PCSK5: variants seen among roughly 807,000 people sequenced by gnomAD.
The protein encoded by PCSK5 is proprotein convertase subtilisin/kexin type 5.
Under a neutral mutation model 233.2 loss-of-function variants are expected in PCSK5, and 129 were observed. The observed-to-expected ratio is 0.55, with a 90% CI of 0.48 to 0.64. The LOEUF (loss-of-function observed/expected upper bound fraction) is 0.64. Among genes scored for constraint, PCSK5 ranks in the 30% least tolerant of loss-of-function variants. The pLI is 0.00. For missense variants in PCSK5, 2,076 were observed against 2,430.1 expected, an observed-to-expected ratio of 0.85 and a Z score of 3.06; for synonymous variants, 825 against 879.2, an observed-to-expected ratio of 0.94 and a Z score of 1.09.
rs1218792274 is a variant in PCSK5 at position 76,025,661 on chromosome 9, T to G, written c.556-1300T>G. 2.6e-5 allele frequency among the ~76,000 whole-genome samples: 4 copies of G among 152,338 alleles called. No individual in the cohort carries two copies. In the East Asian group the frequency reaches 7.7e-4, roughly 29 times the overall value. ...AGAAACTTCTGCCAAATTGTTGTAG[T>G]GACCCCATATCTTTGTGGTCTTAAT... On this transcript the variant is annotated intron_variant, in intron 4 of 37. Transcript: ENST00000674117.
chr9:76,232,952 T>C (rs1395191687), intron 21 of PCSK5, among the ~76,000 whole-genome samples: 1 of 152,234 alleles, frequency 6.6e-6, no homozygotes, highest in Non-Finnish European at 1.5e-5. Flanking sequence ...ACTTGCAATA[T>C]ACACAGGCCA....
intron 24 of PCSK5, among the ~76,000 whole-genome samples, chr9:76,261,072 G>A (rs1391357505): frequency 6.6e-6 from 1 of 152,152 alleles, no homozygotes; most frequent in Non-Finnish European, 1.5e-5. Context: ...CAAGGTCCAG[G>A]TGTTGTGCTG....
chr9:75,895,246 CT>C (rs1825760093), intron 1 of PCSK5, among the ~76,000 whole-genome samples: 1 of 152,198 alleles, frequency 6.6e-6, no homozygotes, highest in Non-Finnish European at 1.5e-5. Context: ...AATGGAGCCT[CT>C]GTTCCTTCAT....
At chr9:76,020,572 G>A (rs969913036) in intron 3 of PCSK5, among the ~76,000 whole-genome samples, 2 of 152,106 alleles carry the variant, frequency 1.3e-5, no homozygotes, top group African/African-American at 4.8e-5. Flanking sequence ...GCATCAGTTG[G>A]ATATTTCTTC....
At chr9:75,893,999 C>T (rs557236355) in intron 1 of PCSK5, among the ~76,000 whole-genome samples, 63 of 152,300 alleles carry the variant, frequency 4.1e-4, no homozygotes, top group African/African-American at 1.5e-3. Context: ...CCTTTCAACA[C>T]TTTAGACATC....
chr9:75,918,039 G>A (rs1338633749), intron 1 of PCSK5, among the ~76,000 whole-genome samples: 2 of 152,070 alleles, frequency 1.3e-5, no homozygotes, highest in Non-Finnish European at 2.9e-5. Context: ...CCTCAAGATA[G>A]TTTCTCATAG....
At position 76,321,582 on chromosome 9, in the gene PCSK5, G is replaced by T. The variant is rs1238342535; in HGVS notation, c.4045G>T (p.Val1349Leu). The T allele has an allele frequency of 2.5e-6, 4 of 1,612,598 alleles. No homozygotes were observed. In the Admixed American group the frequency reaches 5.0e-5, roughly 20 times the overall value. Reference sequence around the variant, plus strand: ...CGAGAGGCACGTGGCTGTGAAGGGGGTATGCAAGCATTGCCCAGAGATGTG... The same window carrying T: ...CGAGAGGCACGTGGCTGTGAAGGGGTTATGCAAGCATTGCCCAGAGATGTG... ...CPERHVAVKGVCKHCPEMCQD... is the reference protein window; with the variant it reads ...CPERHVAVKGLCKHCPEMCQD... Residue 1349 changes from valine (V) to leucine (L), a missense_variant, in exon 31 of 38, where the codon GTA becomes TTA. Val to Leu is a conservative substitution (Grantham distance 32). Coordinates refer to ENST00000674117, the MANE Select transcript of PCSK5 (RefSeq NM_001372043.1).
chr9:75,935,592 G>C (rs942051300), intron 2 of PCSK5, among the ~76,000 whole-genome samples: 2 of 151,870 alleles, frequency 1.3e-5, no homozygotes, highest in African/African-American at 4.8e-5. Flanking sequence ...TTTTTTGATT[G>C]CCTCTTTTCA....
At chr9:76,050,068 CCTTAGTGAATAATCACATT>C (rs1225140415) in intron 5 of PCSK5, among the ~76,000 whole-genome samples, 2 of 152,030 alleles carry the variant, frequency 1.3e-5, no homozygotes, top group African/African-American at 4.8e-5. Flanking sequence ...ACTGTTGAAT[CCTTAGTGAATAATCACATT>C]CTTAGCAGGT....
chr9:76,046,478 T>G (rs1388646702), intron 5 of PCSK5, among the ~76,000 whole-genome samples: 1 of 136,482 alleles, frequency 7.3e-6, no homozygotes, highest in South Asian at 2.4e-4. Context: ...GCCCAGCCAA[T>G]TTTTTCTTTT....
chr9:76,193,925 T>C (rs937641761), intron 20 of PCSK5: 2 of 152,666 alleles, frequency 1.3e-5, no homozygotes, highest in African/African-American at 4.8e-5. Context: ...CAGTGAAACA[T>C]GGATACTCTC....
intron 3 of PCSK5, among the ~76,000 whole-genome samples, chr9:76,023,089 G>A (rs1405278858): frequency 6.6e-6 from 1 of 152,166 alleles, no homozygotes; most frequent in East Asian, 1.9e-4. Flanking sequence ...ACATGGTTTG[G>A]ATTTATAAAT....
intron 3 of PCSK5, among the ~76,000 whole-genome samples, chr9:76,006,568 G>A (rs535410316): frequency 1.3e-5 from 2 of 152,172 alleles, no homozygotes; most frequent in Non-Finnish European, 2.9e-5. Context: ...TACCGTTTCT[G>A]TCTCTTTTCT....
chr9:76,320,639 A>T (rs1829171351), intron 30 of PCSK5, among the ~76,000 whole-genome samples: 1 of 150,116 alleles, frequency 6.7e-6, no homozygotes, highest in African/African-American at 2.4e-5. Flanking sequence ...ACACCTGGCT[A>T]ATTTTTATAT....
intron 24 of PCSK5, among the ~76,000 whole-genome samples, chr9:76,250,752 T>C (rs1268393444): frequency 1.3e-5 from 2 of 152,138 alleles, no homozygotes; most frequent in Non-Finnish European, 2.9e-5. Flanking sequence ...AGACACTAGG[T>C]AAAAACTAAA....
chr9:76,319,530 G>A (rs1349567469), intron 30 of PCSK5, among the ~76,000 whole-genome samples: 2 of 152,078 alleles, frequency 1.3e-5, no homozygotes, highest in African/African-American at 4.8e-5. Context: ...AAGGCAAGAG[G>A]TGAGCCCTCT....
intron 5 of PCSK5, among the ~76,000 whole-genome samples, chr9:76,064,829 C>T (rs946490849): frequency 2.6e-5 from 4 of 151,938 alleles, no homozygotes; most frequent in Non-Finnish European, 5.9e-5. Flanking sequence ...CGGGCAGAGA[C>T]GCTCCTCACT....
At chr9:76,206,067 A>G (rs557613836) in intron 20 of PCSK5, among the ~76,000 whole-genome samples, 21 of 152,342 alleles carry the variant, frequency 1.4e-4, no homozygotes, top group African/African-American at 4.6e-4. Context: ...AGTGGCCATC[A>G]GAATCACCGG....
intron 24 of PCSK5, among the ~76,000 whole-genome samples, chr9:76,261,033 G>A (rs1469293337): frequency 6.6e-6 from 1 of 152,066 alleles, no homozygotes; most frequent in African/African-American, 2.4e-5. Context: ...TTTACTCTTA[G>A]TTGCCTTACA....
Sources: gnomAD v4.1 joint callset for allele counts (sites outside exome capture counted in the v4.1 genomes callset) on GRCh38, gnomAD v4.1.1 for gene constraint, MANE v1.5 for transcripts, NCBI Gene and HGNC (gene_info 2026-07-23, HGNC 2026-07-21) for gene names.